Variants in PRMT3 observed in about 807,000 individuals in gnomAD.
The protein encoded by PRMT3 is protein arginine methyltransferase 3.
A neutral mutation model predicts 71.9 loss-of-function variants in PRMT3; 62 were observed. The ratio of observed to expected loss-of-function variants is 0.86; its 90% CI spans 0.70 to 1.07. The LOEUF (loss-of-function observed/expected upper bound fraction) is 1.07. Ranked by LOEUF, PRMT3 falls within the 50% of genes least tolerant of loss-of-function variation. PRMT3 has a pLI of 0.00. For missense variants in PRMT3, 663 were observed against 643.0 expected (o/e 1.03, Z -0.34); for synonymous variants, 213 against 220.4 (o/e 0.97, Z 0.30).
At chr11:20,491,868 C>G (rs988225858) in intron 13 of PRMT3, among the ~76,000 whole-genome samples, 3 of 152,160 alleles carry the variant, frequency 2.0e-5, no homozygotes, top group Non-Finnish European at 4.4e-5. Flanking sequence ...TAGCTCTCTC[C>G]TCTCCATATT....
chr11:20,449,321 C>G (rs932384859), intron 10 of PRMT3, among the ~76,000 whole-genome samples: 1 of 152,100 alleles, frequency 6.6e-6, no homozygotes, highest in Non-Finnish European at 1.5e-5. Flanking sequence ...TGATTGCACA[C>G]CTGTTGTAAA....
At chr11:20,419,445 G>A (rs1206410629) in intron 9 of PRMT3, among the ~76,000 whole-genome samples, 1 of 152,124 alleles carries the variant, frequency 6.6e-6, no homozygotes, top group Non-Finnish European at 1.5e-5. Context: ...TCTCTCATTC[G>A]TGTTTGCCTT....
At chr11:20,432,847 T>C (rs1371053144) in intron 10 of PRMT3, among the ~76,000 whole-genome samples, 1 of 152,166 alleles carries the variant, frequency 6.6e-6, no homozygotes, top group East Asian at 1.9e-4. Flanking sequence ...CTTTTATATG[T>C]CTTCTTTTGA....
rs537890753 is a variant in PRMT3, at chr11:20,431,862, A to G, written c.993+4997A>G. 3.3e-5 allele frequency among the ~76,000 whole-genome samples: 5 copies of G among 152,262 alleles called. No individual in the cohort carries two copies. In the East Asian group the frequency reaches 5.8e-4, roughly 18 times the overall value. ...AGTGCTGACAATGCCTAATAATTTT[A>G]GATAAAATATAAAATTCCCATTCCG... On this transcript the variant is annotated intron_variant, in intron 10 of 15. Transcript: ENST00000331079.
At chr11:20,501,666 A>T (rs116971438) in intron 15 of PRMT3, among the ~76,000 whole-genome samples, 5 of 152,318 alleles carry the variant, frequency 3.3e-5, no homozygotes, top group East Asian at 1.9e-4. Context: ...GTAATATGAC[A>T]AGATAAGTAA....
intron 7 of PRMT3, among the ~76,000 whole-genome samples, chr11:20,397,936 G>GC (rs1302682599): frequency 6.7e-6 from 1 of 149,222 alleles, no homozygotes; most frequent in Admixed American, 6.7e-5. Context: ...CACTTTGGGA[G>GC]CCCGAGGCAG....
intron 8 of PRMT3, among the ~76,000 whole-genome samples, chr11:20,403,605 T>C (rs1848997926): frequency 6.6e-6 from 1 of 152,116 alleles, no homozygotes; most frequent in Admixed American, 6.6e-5. Context: ...CTTTTTTTTT[T>C]CTTTATTCTC....
chr11:20,476,277 C>CA (rs1811453474), intron 13 of PRMT3, among the ~76,000 whole-genome samples: 1 of 152,000 alleles, frequency 6.6e-6, no homozygotes, highest in Admixed American at 6.5e-5. Context: ...TGCTTGAACC[C>CA]AGGAGGCAGA....
At chr11:20,488,194 A>G (rs12420525) in intron 13 of PRMT3, among the ~76,000 whole-genome samples, 10,477 of 151,974 alleles carry the variant, frequency 0.069, 501 homozygotes, top group Admixed American at 0.15. Context: ...ACAATTGGGG[A>G]AAAAATCATA....
chr11:20,460,531 A>G (rs1235027279), intron 11 of PRMT3, among the ~76,000 whole-genome samples: 1 of 151,970 alleles, frequency 6.6e-6, no homozygotes. Flanking sequence ...TCTAGTATTC[A>G]TTATCTATTC....
At position 20,403,054 on chromosome 11, in the gene PRMT3, C is replaced by T; in HGVS notation, c.771+70C>T. Reference sequence around the variant, plus strand: ...GGGCAGTAGAAATCCTCTCTTGGCTCATCATTGTGATAGCAATTGATTTAA... The same window carrying T: ...GGGCAGTAGAAATCCTCTCTTGGCTTATCATTGTGATAGCAATTGATTTAA... On this transcript the variant is annotated intron_variant, in intron 8 of 15. Coordinates refer to ENST00000331079, the MANE Select transcript of PRMT3 (RefSeq NM_005788.4). 6 of 1,153,966 alleles carry T rather than the reference C, an allele frequency of 5.2e-6. No homozygotes were observed. In the South Asian group the frequency reaches 7.8e-5, roughly 15 times the overall value. The allele number at this position is 1,153,966 out of a possible 1,614,324, so 71.5% of individuals were successfully genotyped here.
Position 20,508,348 on chromosome 11 carries a change from G to C in PRMT3, c.1531G>C (p.Asp511His). 2 of 1,612,490 alleles carry C rather than the reference G, an allele frequency of 1.2e-6. No individual in the cohort carries two copies. Among genetic ancestry groups the C allele is most frequent in the Non-Finnish European group, 1.7e-6 (2 of 1,178,638 alleles). ...GKVTVHKNKK[D>H]PRSLTVTLTL... ...GGTCACAGTTCACAAGAATAAGAAA[G>C]ATCCACGTTCTCTCACCGTGACCCT... The change falls in exon 16 of 16, where the codon GAT (aspartate) becomes CAT (histidine). Residue 511 changes from aspartate (D) to histidine (H), a missense_variant. Transcript: ENST00000331079.
At chr11:20,476,385 C>A (rs1850785016) in intron 13 of PRMT3, among the ~76,000 whole-genome samples, 1 of 152,040 alleles carries the variant, frequency 6.6e-6, no homozygotes, top group African/African-American at 2.4e-5. Context: ...CCTGGAAAGG[C>A]ACTTTAATGA....
intron 9 of PRMT3, among the ~76,000 whole-genome samples, chr11:20,422,968 C>G (rs1849459867): frequency 6.6e-6 from 1 of 152,184 alleles, no homozygotes; most frequent in Non-Finnish European, 1.5e-5. Flanking sequence ...TACTCTGGGC[C>G]AGAGATTGTG....
At chr11:20,430,000 G>A (rs1413392180) in intron 10 of PRMT3, among the ~76,000 whole-genome samples, 1 of 152,210 alleles carries the variant, frequency 6.6e-6, no homozygotes, top group South Asian at 2.1e-4. Flanking sequence ...TTAAACAAAG[G>A]GCAGGTATGC....
In PRMT3 at chr11:20,387,981, T is replaced by C; in HGVS notation, c.29-38T>C. 1 of 1,612,036 alleles carries C rather than the reference T, an allele frequency of 6.2e-7. No individual in the cohort carries two copies. Among genetic ancestry groups the C allele is most frequent in the Non-Finnish European group, 8.5e-7 (1 of 1,178,920 alleles). On this transcript the variant is annotated intron_variant, in intron 1 of 15. Coordinates refer to ENST00000331079, the MANE Select transcript of PRMT3 (RefSeq NM_005788.4). The surrounding 1 kb of genome is among the most constrained non-coding windows in gnomAD (Gnocchi z 4.3). The stretch of plus-strand genomic sequence containing the variant: ...TCCTCGAGCCCCCGGGCCGCACCGG[T>C]GTCCGAGGCCGATCTGATTGTTGTG...
intron 5 of PRMT3, 136 bp downstream of exon 5, chr11:20,393,135 A>G (rs959067864): frequency 1.6e-5 from 10 of 643,040 alleles, no homozygotes; most frequent in Middle Eastern, 7.8e-4. Flanking sequence ...TAGTTTCAGT[A>G]GAAAAGTTAA....
chr11:20,396,015 A>G, intron 6 of PRMT3, 53 bp downstream of exon 6: 3 of 1,535,146 alleles, frequency 2.0e-6, no homozygotes, highest in Non-Finnish European at 1.8e-6. Context: ...GAATAATACA[A>G]CCTAATGGCA....
chr11:20,494,385 C>A, intron 15 of PRMT3, 131 bp downstream of exon 15: 1 of 793,558 alleles, frequency 1.3e-6, no homozygotes. Context: ...CTCACCCAGG[C>A]TGGAGAACAG....
Sources: allele counts gnomAD v4.1 joint callset (sites outside exome capture counted in the v4.1 genomes callset), GRCh38; gene constraint gnomAD v4.1.1; non-coding constraint Gnocchi (gnomAD v3.1); transcripts MANE v1.5; gene names NCBI Gene and HGNC (gene_info 2026-07-23, HGNC 2026-07-21).